FRS2: variants seen among roughly 807,000 people sequenced by gnomAD.
FRS2 encodes FGFR signalling adaptor.
A neutral mutation model predicts 43.9 loss-of-function variants in FRS2; 8 were observed. The observed-to-expected ratio is 0.18, with a 90% CI of 0.11 to 0.33. FRS2 has a LOEUF of 0.33. FRS2 is among the 10% of genes least tolerant of loss of function. The pLI, the probability that FRS2 is intolerant of heterozygous loss-of-function variation, is 1.00. For missense variants in FRS2, 534 were observed against 627.6 expected (o/e 0.85, Z 1.59); for synonymous variants, 219 against 220.3 (o/e 0.99, Z 0.05).
In FRS2 at chr12:69,470,442, C is replaced by T; in HGVS notation, c.-349C>T. 2.5e-6 allele frequency: 1 copy of T among 398,586 alleles called. No homozygotes were observed. Among genetic ancestry groups the T allele is most frequent in the Non-Finnish European group, 4.4e-6 (1 of 226,032 alleles). The allele number at this position is 398,586 out of a possible 1,614,324, so 24.7% of individuals were successfully genotyped here. A position where few individuals can be genotyped will look rare whatever the true frequency, so the allele number is the denominator to read the frequency against. On this transcript the variant is annotated 5_prime_UTR_variant, in exon 1 of 9. Coordinates refer to ENST00000549921, the MANE Select transcript of FRS2 (RefSeq NM_001278356.2). Reference sequence around the variant, plus strand: ...GGCACAGCGGCTGAGACTCGATCTGCTCCAAGTAGGGGCTCCAGCGCGGGT... The same window carrying T: ...GGCACAGCGGCTGAGACTCGATCTGTTCCAAGTAGGGGCTCCAGCGCGGGT...
chr12:69,528,606 TAAG>T (rs1360061910), intron 1 of FRS2, among the ~76,000 whole-genome samples: 1 of 152,250 alleles, frequency 6.6e-6, no homozygotes, highest in Non-Finnish European at 1.5e-5. Context: ...GTCGGGAACT[TAAG>T]AATCTTTTAA....
At chr12:69,473,897 C>T (rs1449011836) in intron 1 of FRS2, among the ~76,000 whole-genome samples, 1 of 152,062 alleles carries the variant, frequency 6.6e-6, no homozygotes. Flanking sequence ...GGCTGGAGTG[C>T]GGTGGCGTGA....
chr12:69,573,902 A>G (rs1422540004), intron 8 of FRS2, 103 bp from the exon 9 acceptor site: 2 of 704,088 alleles, frequency 2.8e-6, no homozygotes, highest in Non-Finnish European at 4.7e-6. Context: ...GAGAAAGTTA[A>G]TACAGTTAAC....
At chr12:69,472,889 C>T (rs75998559) in intron 1 of FRS2, among the ~76,000 whole-genome samples, 5,291 of 152,146 alleles carry the variant, frequency 0.035, 310 homozygotes, top group African/African-American at 0.12. Context: ...TCATGAAAAG[C>T]GCTATACTAG....
intron 1 of FRS2, among the ~76,000 whole-genome samples, chr12:69,498,018 ATTT>A (rs11304419): frequency 4.0e-5 from 6 of 151,176 alleles, no homozygotes; most frequent in South Asian, 2.1e-4. Context: ...GTTTTTTCAG[ATTT>A]TTTTTTTATG....
Position 69,497,297 on chromosome 12 carries a change from G to C in FRS2, c.-261+26767G>C, listed in dbSNP as rs1025188304. ...GTGCTCTTAGTGTCTTAGTACATTCGGGCTAATATAACAAAATACCTTAGA... is the reference window on the plus strand; with the variant it reads ...GTGCTCTTAGTGTCTTAGTACATTCCGGCTAATATAACAAAATACCTTAGA... On this transcript the variant is annotated intron_variant, in intron 1 of 8. Coordinates refer to ENST00000549921, the MANE Select transcript of FRS2 (RefSeq NM_001278356.2). Among the ~76,000 whole-genome samples, 28 of 152,222 alleles carry C rather than the reference G, an allele frequency of 1.8e-4. No homozygotes were observed. The East Asian group carries it at 5.4e-3, about 29-fold the overall frequency.
Position 69,570,397 on chromosome 12 carries a change from C to A in FRS2, c.133C>A (p.Leu45Met). The part of the protein sequence containing the change: ...SGIMELTDTE[L>M]ILYTRKRDSV... ...CATAATGGAACTTACAGACACAGAACTGATTTTATACACCCGCAAACGTGA... is the reference window on the plus strand; with the variant it reads ...CATAATGGAACTTACAGACACAGAAATGATTTTATACACCCGCAAACGTGA... Residue 45 changes from leucine (L) to methionine (M), a missense_variant, in exon 6 of 9, where the codon CTG becomes ATG. By Grantham distance (15) the Leu-to-Met change is conservative (BLOSUM62 2). This residue lies in a region of FRS2 where 76 missense variants were observed against 90.5 expected (regional missense o/e 0.84). Transcript: ENST00000549921. The A allele has an allele frequency of 6.2e-7, 1 of 1,613,466 alleles. No homozygotes were observed. Among genetic ancestry groups the A allele is most frequent in the Non-Finnish European group, 8.5e-7 (1 of 1,179,440 alleles).
At chr12:69,505,202 T>C (rs918193720) in intron 1 of FRS2, among the ~76,000 whole-genome samples, 2 of 152,184 alleles carry the variant, frequency 1.3e-5, no homozygotes, top group Non-Finnish European at 2.9e-5. Flanking sequence ...GAATATCACA[T>C]GGTACCTAAT....
chr12:69,543,590 T>G (rs1027838657), intron 3 of FRS2, among the ~76,000 whole-genome samples: 3 of 151,414 alleles, frequency 2.0e-5, no homozygotes, highest in African/African-American at 7.3e-5. Flanking sequence ...AGGAAAAGGG[T>G]GTAGCATCAT....
chr12:69,488,588 C>T (rs987829760), intron 1 of FRS2, among the ~76,000 whole-genome samples: 3 of 152,066 alleles, frequency 2.0e-5, no homozygotes, highest in East Asian at 1.9e-4. Context: ...GAGCAGAACC[C>T]GCAATATCTT....
At chr12:69,556,345 C>CTTTCTTTT (rs1555192321) in intron 3 of FRS2, among the ~76,000 whole-genome samples, 8 of 146,568 alleles carry the variant, frequency 5.5e-5, no homozygotes, top group African/African-American at 2.0e-4. Context: ...TTCTTTCTTT[C>CTTTCTTTT]TTTTTTTTTT....
intron 3 of FRS2, among the ~76,000 whole-genome samples, chr12:69,557,625 C>T (rs199883360): frequency 0.024 from 2,457 of 104,404 alleles, 17 homozygotes; most frequent in South Asian, 0.049. Context: ...TGTGTGCGCG[C>T]GCGCGCGCGC....
chr12:69,477,993 G>T (rs558345884), intron 1 of FRS2, among the ~76,000 whole-genome samples: 14 of 151,224 alleles, frequency 9.3e-5, no homozygotes, highest in African/African-American at 3.2e-4. Context: ...CGCCCACCTC[G>T]GCCTCCCAAA....
intron 1 of FRS2, among the ~76,000 whole-genome samples, chr12:69,516,188 A>C (rs1344782905): frequency 6.6e-6 from 1 of 151,460 alleles, no homozygotes; most frequent in Non-Finnish European, 1.5e-5. Context: ...TTTTTGTAAA[A>C]GTGAGTAGAT....
chr12:69,574,999 A>G lies in FRS2; in HGVS notation c.*44A>G. ...TGTTTGCACCTTTGTGAAGTTTTTA[A>G]AAATGAAGATGCAAGTGCTTCATTT... On this transcript the variant is annotated 3_prime_UTR_variant, in exon 9 of 9. Transcript: ENST00000549921. 1 of 1,271,172 alleles carries G rather than the reference A, an allele frequency of 7.9e-7. No homozygotes were observed. The highest frequency in any genetic ancestry group is 1.1e-6 in the Non-Finnish European group (1 of 888,964). The allele number at this position is 1,271,172 out of a possible 1,614,324, so 78.7% of individuals were successfully genotyped here.
chr12:69,498,453 G>T (rs1873106887), intron 1 of FRS2, among the ~76,000 whole-genome samples: 1 of 151,700 alleles, frequency 6.6e-6, no homozygotes, highest in Non-Finnish European at 1.5e-5. Context: ...CGGTTCATGC[G>T]GCCCAGGATG....
intron 1 of FRS2, among the ~76,000 whole-genome samples, chr12:69,498,703 C>T (rs1355160633): frequency 1.3e-5 from 2 of 152,000 alleles, no homozygotes; most frequent in Non-Finnish European, 2.9e-5. Flanking sequence ...GAAGTCTGGC[C>T]TGTGCATGCT....
At chr12:69,521,865 C>T (rs925890878) in intron 1 of FRS2, among the ~76,000 whole-genome samples, 19 of 152,182 alleles carry the variant, frequency 1.2e-4, no homozygotes, top group African/African-American at 2.4e-4. Flanking sequence ...CCACCTGCCT[C>T]GGCCTCCCAA....
At position 69,570,470 on chromosome 12, in the gene FRS2, C is replaced by T. The variant is rs766577244; in HGVS notation, c.206C>T (p.Ser69Leu). 8.7e-6 allele frequency: 14 copies of T among 1,613,098 alleles called. No individual in the cohort carries two copies. The highest frequency in any genetic ancestry group is 1.3e-5 in the African/African-American group (1 of 74,990). Residue 69 changes from serine to leucine, a missense_variant, in exon 6 of 9, where the codon TCG (serine) becomes TTG (leucine). Physicochemically the swap from Ser to Leu is moderately radical, Grantham distance 145. Transcript: ENST00000549921. ...TGCCTGCGACGCTATGGCTATGACT[C>T]GAATCTCTTTTCTTTTGAAAGTGGT... is the stretch of plus-strand genomic sequence containing the variant. Reference protein sequence around the residue: ...YLCLRRYGYDSNLFSFESGRR... With the variant: ...YLCLRRYGYDLNLFSFESGRR...
Sources: gnomAD v4.1 joint callset for allele counts (sites outside exome capture counted in the v4.1 genomes callset) on GRCh38, gnomAD v4.1.1 for gene constraint, gnomAD v4.1.1 regional missense constraint, MANE v1.5 for transcripts, NCBI Gene and HGNC (gene_info 2026-07-23, HGNC 2026-07-21) for gene names.